GRM1: variants seen among roughly 807,000 people sequenced by gnomAD.
GRM1 encodes the protein metabotropic glutamate receptor 1.
GRM1 carries 33 observed loss-of-function variants against 90.9 expected under a neutral mutation model. The observed-to-expected ratio is 0.36, with a 90% CI of 0.28 to 0.49. The LOEUF (loss-of-function observed/expected upper bound fraction) is 0.49, where lower values mean the gene tolerates loss of function less well. GRM1 is among the 20% of genes least tolerant of loss of function. The pLI, the probability that GRM1 is intolerant of heterozygous loss-of-function variation, is 0.99. For missense variants in GRM1, 1,190 were observed against 1,534.3 expected (o/e 0.78, Z 3.75); for synonymous variants, 700 against 613.2 (o/e 1.14, Z -2.09).
chr6:146,272,254 T>C (rs1782191583), intron 2 of GRM1, among the ~76,000 whole-genome samples: 1 of 152,224 alleles, frequency 6.6e-6, no homozygotes, highest in Admixed American at 6.5e-5. Flanking sequence ...AAATACAAAT[T>C]ATGCTTAATG....
chr6:146,311,470 A>G (rs1210717799), intron 3 of GRM1, among the ~76,000 whole-genome samples: 1 of 152,220 alleles, frequency 6.6e-6, no homozygotes, highest in Non-Finnish European at 1.5e-5. Flanking sequence ...TGATTATCAC[A>G]CAGATGAAGC....
intron 1 of GRM1, among the ~76,000 whole-genome samples, chr6:146,083,332 C>T (rs1776429267): frequency 3.3e-5 from 5 of 152,076 alleles, no homozygotes; most frequent in Admixed American, 3.3e-4. Context: ...GGAATGCTTC[C>T]AGCTTTTGCC....
intron 3 of GRM1, among the ~76,000 whole-genome samples, chr6:146,306,587 G>T (rs1249099420): frequency 6.6e-6 from 1 of 152,098 alleles, no homozygotes; most frequent in Non-Finnish European, 1.5e-5. Flanking sequence ...ATACAACATG[G>T]ATCTCTGGGA....
rs1425356529 is a variant in GRM1 at position 146,431,833 on chromosome 6, C to T, written c.2661-2039C>T. Among the ~76,000 whole-genome samples the T allele has an allele frequency of 2.0e-5, 3 of 151,862 alleles. No individual in the cohort carries two copies. In the East Asian group the frequency reaches 5.8e-4, roughly 29 times the overall value. On this transcript the variant is annotated intron_variant, in intron 7 of 7. Transcript: ENST00000282753. ...AGAGGCAAATAAGTTTTATATTTGC[C>T]TTTCTAGAAGAGGCATATTGAATGC...
At chr6:146,331,913 G>A (rs1001442871) in intron 3 of GRM1, among the ~76,000 whole-genome samples, 5 of 152,084 alleles carry the variant, frequency 3.3e-5, no homozygotes, top group African/African-American at 1.2e-4. Flanking sequence ...ATTGGCCTTC[G>A]GAGTGAAACT....
chr6:146,138,934 TTC>T (rs1444094393), intron 1 of GRM1, among the ~76,000 whole-genome samples: 1 of 152,040 alleles, frequency 6.6e-6, no homozygotes, highest in Non-Finnish European at 1.5e-5. Context: ...ATTTGAAATG[TTC>T]TTTTTTTTTT....
At chr6:146,243,779 G>A (rs1222961637) in intron 2 of GRM1, among the ~76,000 whole-genome samples, 1 of 152,094 alleles carries the variant, frequency 6.6e-6, no homozygotes, top group Non-Finnish European at 1.5e-5. Flanking sequence ...AAATTTATTA[G>A]GTGGGAATGT....
chr6:146,401,381 G>A (rs1165631725), intron 7 of GRM1, among the ~76,000 whole-genome samples: 1 of 151,936 alleles, frequency 6.6e-6, no homozygotes, highest in Admixed American at 6.6e-5. Flanking sequence ...TCCTGGCAGG[G>A]AGTTATCAGG....
intron 5 of GRM1, among the ~76,000 whole-genome samples, chr6:146,371,544 C>T (rs1275490737): frequency 6.6e-6 from 1 of 152,046 alleles, no homozygotes; most frequent in African/African-American, 2.4e-5. Context: ...CCCTACGGTG[C>T]TATCAAATAG....
chr6:146,103,371 T>C (rs1777114148), intron 1 of GRM1, among the ~76,000 whole-genome samples: 1 of 152,152 alleles, frequency 6.6e-6, no homozygotes, highest in Non-Finnish European at 1.5e-5. Flanking sequence ...GGGTCATGCT[T>C]TGCTTTGAGA....
At chr6:146,031,247 T>C (rs1431044129) in intron 1 of GRM1, among the ~76,000 whole-genome samples, 1 of 152,194 alleles carries the variant, frequency 6.6e-6, no homozygotes, top group Non-Finnish European at 1.5e-5. Flanking sequence ...ATGAAAAAGC[T>C]GAAGCCCTGG....
At chr6:146,422,998 G>A (rs556872915) in intron 7 of GRM1, among the ~76,000 whole-genome samples, 27 of 151,724 alleles carry the variant, frequency 1.8e-4, no homozygotes, top group Non-Finnish European at 2.5e-4. Flanking sequence ...AGGAAGGAAG[G>A]AGGGAAAGAA....
At chr6:146,098,339 G>C (rs1420193535) in intron 1 of GRM1, among the ~76,000 whole-genome samples, 1 of 152,084 alleles carries the variant, frequency 6.6e-6, no homozygotes, top group East Asian at 1.9e-4. Flanking sequence ...TTGTTCTATA[G>C]AGAATTTACA....
chr6:146,260,804 GTTTTTTTTTTTTTTTTTTTT>G (rs56956724), intron 2 of GRM1, among the ~76,000 whole-genome samples: 8 of 22,742 alleles, frequency 3.5e-4, no homozygotes, highest in East Asian at 1.4e-3. Flanking sequence ...GGTTATTTGG[GTTTTTTTTTTTTTTTTTTTT>G]TTTTTTTTTT....
chr6:146,328,551 T>C (rs1294685898), intron 3 of GRM1, among the ~76,000 whole-genome samples: 2 of 152,178 alleles, frequency 1.3e-5, no homozygotes, highest in Non-Finnish European at 1.5e-5. Context: ...AAACATTAAA[T>C]AGTAATATTA....
Position 146,433,939 on chromosome 6 carries a change from T to C in GRM1, c.2728T>C (p.Trp910Arg). 3 of 1,613,560 alleles carry C rather than the reference T, an allele frequency of 1.9e-6. No individual in the cohort carries two copies. The highest frequency in any genetic ancestry group is 2.5e-6 in the Non-Finnish European group (3 of 1,179,438). ...GGQVPKGQHM[W>R]HRLSVHVKTN... ...ACAGGTGCCCAAGGGACAGCATATG[T>C]GGCACCGCCTCTCTGTGCACGTGAA... Residue 910 changes from tryptophan (W) to arginine (R), a missense_variant, in exon 8 of 8, where the codon TGG (tryptophan) becomes CGG (arginine). By Grantham distance (101) the Trp-to-Arg change is moderately radical. Coordinates refer to ENST00000282753, the MANE Select transcript of GRM1 (RefSeq NM_001278064.2).
In GRM1 at chr6:146,138,334, A is replaced by C. The variant is rs552543102; in HGVS notation, c.701-21014A>C. 1.8e-4 allele frequency among the ~76,000 whole-genome samples: 28 copies of C among 152,220 alleles called. No homozygotes were observed. The South Asian group carries it at 3.5e-3, about 19-fold the overall frequency. ...TATTATGTAGATGTATCGTCCTTCT[A>C]TACTCAGTTTTTGAGATTTTTTTAT... On this transcript the variant is annotated intron_variant, in intron 1 of 7. Transcript: ENST00000282753.
At chr6:146,239,569 G>A (rs1412427706) in intron 2 of GRM1, among the ~76,000 whole-genome samples, 2 of 152,068 alleles carry the variant, frequency 1.3e-5, no homozygotes, top group Non-Finnish European at 2.9e-5. Context: ...TTTTATGCCA[G>A]TGTCTGTGCT....
At chr6:146,373,673 T>G (rs1416531934) in intron 5 of GRM1, among the ~76,000 whole-genome samples, 1 of 152,178 alleles carries the variant, frequency 6.6e-6, no homozygotes, top group Non-Finnish European at 1.5e-5. Flanking sequence ...TCATTGTTGT[T>G]GACATATAGA....
Sources: allele counts gnomAD v4.1 joint callset (sites outside exome capture counted in the v4.1 genomes callset), GRCh38; gene constraint gnomAD v4.1.1; transcripts MANE v1.5; gene names NCBI Gene and HGNC (gene_info 2026-07-23, HGNC 2026-07-21).